ICE1: variants seen among roughly 807,000 people sequenced by gnomAD.
The protein encoded by ICE1 is interactor of little elongation complex ELL subunit 1.
ICE1 carries 64 observed loss-of-function variants against 192.7 expected under a neutral mutation model. The ratio of observed to expected loss-of-function variants is 0.33; its 90% confidence interval spans 0.27 to 0.41. The LOEUF (loss-of-function observed/expected upper bound fraction) is 0.41, where lower values mean the gene tolerates loss of function less well. Ranked by LOEUF, ICE1 falls within the 10% of genes least tolerant of loss-of-function variation. The pLI, the probability that ICE1 is intolerant of heterozygous loss-of-function variation, is 1.00. For synonymous variants in ICE1, 1,010 were observed against 984.5 expected, an observed-to-expected ratio of 1.03 and a Z score of -0.49; for missense variants, 2,708 against 2,696.0, an observed-to-expected ratio of 1.00 and a Z score of -0.10.
chr5:5,472,530 G>A (rs1739190193), intron 15 of ICE1, among the ~76,000 whole-genome samples: 2 of 152,176 alleles, frequency 1.3e-5, no homozygotes, highest in Admixed American at 1.3e-4. Context: ...TGCTCAGGTT[G>A]CGAAGTCACT....
chr5:5,463,918 A>G lies in ICE1; in HGVS notation c.4584A>G (p.Gln1528=). The G allele has an allele frequency of 6.2e-7, 1 of 1,614,024 alleles. No homozygotes were observed. The highest frequency in any genetic ancestry group is 8.5e-7 in the Non-Finnish European group (1 of 1,179,894). Residue 1528 remains glutamine, a synonymous_variant, in exon 13 of 19, where the codon CAA becomes CAG. Coordinates refer to ENST00000296564, the MANE Select transcript of ICE1 (RefSeq NM_015325.3). ...SIWISSQIYD[Q]NFETQIVASD... is the part of the protein sequence containing the mutation. ...GGATTAGTTCTCAAATCTATGATCA[A>G]AACTTCGAGACTCAGATTGTTGCGT...
intron 1 of ICE1, among the ~76,000 whole-genome samples, chr5:5,429,721 C>T (rs1225304366): frequency 1.3e-5 from 2 of 152,220 alleles, no homozygotes; most frequent in Non-Finnish European, 2.9e-5. Flanking sequence ...GCTGGTATGC[C>T]TGCTAGCTTG....
intron 7 of ICE1, 65 bp from the exon 8 acceptor site, chr5:5,447,362 C>A (rs1045704436): frequency 2.1e-6 from 2 of 960,362 alleles, no homozygotes; most frequent in Non-Finnish European, 3.1e-6. Flanking sequence ...TTGAGTATTT[C>A]ATTAACCACA....
chr5:5,473,134 A>G (rs1739212128), intron 15 of ICE1, among the ~76,000 whole-genome samples: 1 of 152,258 alleles, frequency 6.6e-6, no homozygotes, highest in Admixed American at 6.5e-5. Context: ...AGAATTCATT[A>G]CTGTCTGATT....
chr5:5,458,546 G>T (rs944204010), intron 12 of ICE1, among the ~76,000 whole-genome samples: 5 of 152,210 alleles, frequency 3.3e-5, no homozygotes, highest in Non-Finnish European at 7.3e-5. Flanking sequence ...TTCTTCTGAA[G>T]ATTCAATCCC....
chr5:5,452,721 A>C lies in ICE1; in HGVS notation c.605-1831A>C, dbSNP rs574670709. ...ACAATTTTTCAACAGGAGAAAACTG[A>C]ATAATGATTACGCTCTAACAGATAT... is the stretch of plus-strand genomic sequence containing the variant. On this transcript the variant is annotated intron_variant, in intron 10 of 18. Coordinates refer to ENST00000296564, the MANE Select transcript of ICE1 (RefSeq NM_015325.3). Among the ~76,000 whole-genome samples, 12 of 152,294 alleles carry C rather than the reference A, an allele frequency of 7.9e-5. 1 individual carries two copies. In the South Asian group the frequency reaches 2.5e-3, roughly 32 times the overall value.
chr5:5,453,719 T>C (rs1362305951), intron 10 of ICE1, among the ~76,000 whole-genome samples: 2 of 152,194 alleles, frequency 1.3e-5, no homozygotes, highest in African/African-American at 2.4e-5. Flanking sequence ...ATAAATACTT[T>C]TTGCTTTAGA....
chr5:5,483,663 A>T (rs1229193253), intron 17 of ICE1, among the ~76,000 whole-genome samples: 1 of 152,196 alleles, frequency 6.6e-6, no homozygotes, highest in Non-Finnish European at 1.5e-5. Flanking sequence ...TTTGCCTACC[A>T]CTGGATTCAG....
In ICE1 at chr5:5,422,934, C is replaced by A; in HGVS notation, c.19C>A (p.His7Asn). Residue 7 changes from histidine to asparagine, a missense_variant, in exon 1 of 19, where the codon CAT (histidine) becomes AAT (asparagine). Around this residue, in one of 2 missense-constraint regions of ICE1, gnomAD observed 2,366 missense variants for 2,276.6 expected, o/e 1.04. Coordinates refer to ENST00000296564, the MANE Select transcript of ICE1 (RefSeq NM_015325.3). MMPGET[H>N]SAAPGTAADL... ...CGGCACCATGATGCCGGGCGAGACC[C>A]ATTCGGCGGCGCCCGGGACGGCGGC... is the stretch of plus-strand genomic sequence containing the variant. The A allele has an allele frequency of 6.9e-7, 1 of 1,445,916 alleles. No individual in the cohort carries two copies. Among genetic ancestry groups the A allele is most frequent in the Non-Finnish European group, 9.1e-7 (1 of 1,100,822 alleles). 89.6% of individuals were successfully genotyped at this position (1,445,916 alleles called of 1,614,324 possible). A position where few individuals can be genotyped will look rare whatever the true frequency, so the allele number is the denominator to read the frequency against.
chr5:5,435,610 A>G (rs1358212591), intron 1 of ICE1, among the ~76,000 whole-genome samples: 1 of 149,152 alleles, frequency 6.7e-6, no homozygotes, highest in Non-Finnish European at 1.5e-5. Flanking sequence ...GTAACTAAGG[A>G]TGTTTTTCCT....
intron 13 of ICE1, 57 bp from the exon 14 acceptor site, chr5:5,466,277 G>A: frequency 1.4e-6 from 2 of 1,429,074 alleles, no homozygotes; most frequent in Non-Finnish European, 1.9e-6. Context: ...ATAATCTTTG[G>A]TAGGCTGAAG....
At chr5:5,431,129 A>C (rs1403697679) in intron 1 of ICE1, among the ~76,000 whole-genome samples, 1 of 152,166 alleles carries the variant, frequency 6.6e-6, no homozygotes, top group Non-Finnish European at 1.5e-5. Context: ...CTGGAGCCTG[A>C]GGTTTCTTCG....
chr5:5,423,099 G>A (rs113280389), intron 1 of ICE1, 100 bp downstream of exon 1: 3 of 640,206 alleles, frequency 4.7e-6, no homozygotes, highest in African/African-American at 1.9e-5. Context: ...GTGCCTCAGT[G>A]CGCTGCTCTC....
rs1156957586 is a variant in ICE1 at position 5,476,192 on chromosome 5, A to G, written c.6520+113A>G. The G allele has an allele frequency of 7.0e-6, 4 of 573,876 alleles. No homozygotes were observed. In the African/African-American group the frequency reaches 7.8e-5, roughly 11 times the overall value. 35.5% of individuals were successfully genotyped at this position (573,876 alleles called of 1,614,324 possible). A position where few individuals can be genotyped will look rare whatever the true frequency, so the allele number is the denominator to read the frequency against. ...GACTTTGAAAATTTCTGATTTTACA[A>G]CCATCAGAGTAGATACTTTTGTACT... On this transcript the variant is annotated intron_variant, in intron 17 of 18. Coordinates refer to ENST00000296564, the MANE Select transcript of ICE1 (RefSeq NM_015325.3).
intron 15 of ICE1, among the ~76,000 whole-genome samples, chr5:5,469,823 T>C (rs1281874943): frequency 6.6e-6 from 1 of 152,204 alleles, no homozygotes; most frequent in African/African-American, 2.4e-5. Context: ...TTCATCAATC[T>C]ATCTAGACAC....
In ICE1 at chr5:5,457,473, T is replaced by TA; in HGVS notation, c.834dup (p.Cys279MetfsTer15). 6.2e-7 allele frequency: 1 copy of TA among 1,613,976 alleles called. No individual in the cohort carries two copies. Among genetic ancestry groups the TA allele is most frequent in the Non-Finnish European group, 8.5e-7 (1 of 1,179,876 alleles). On this transcript the variant is annotated frameshift_variant, in exon 12 of 19. Coordinates refer to ENST00000296564, the MANE Select transcript of ICE1 (RefSeq NM_015325.3). LOFTEE classifies it high-confidence loss of function. ...TCCATGGAGATAAAGGAGGACTTTT[T>TA]ATGTCAAAATGTGGAAAAACAGAGC...
At chr5:5,432,194 C>A (rs950740359) in intron 1 of ICE1, among the ~76,000 whole-genome samples, 1 of 152,294 alleles carries the variant, frequency 6.6e-6, no homozygotes, top group East Asian at 1.9e-4. Context: ...TAGTCATTTC[C>A]TGTCTCTGTA....
chr5:5,456,116 C>T (rs1268598049), intron 11 of ICE1, among the ~76,000 whole-genome samples: 2 of 152,184 alleles, frequency 1.3e-5, no homozygotes. Flanking sequence ...TGCTGTTTCT[C>T]TTTGCTCAGG....
In ICE1 at chr5:5,475,960, TG is replaced by T. The variant is rs756842228; in HGVS notation, c.6414-12del. The T allele has an allele frequency of 6.6e-6, 10 of 1,513,606 alleles. No individual in the cohort carries two copies. Among genetic ancestry groups the T allele is most frequent in the East Asian group, 4.5e-5 (2 of 44,328 alleles). 93.8% of individuals were successfully genotyped at this position (1,513,606 alleles called of 1,614,324 possible). A position where few individuals can be genotyped will look rare whatever the true frequency, so the allele number is the denominator to read the frequency against. On this transcript the variant is annotated splice_polypyrimidine_tract_variant and intron_variant, in intron 16 of 18. Transcript: ENST00000296564. ...ATGATGAGCATACATCTTTTCATGT[TG>T]TTTTTTTATAGTAAGGAGCTGTGGC... is the stretch of plus-strand genomic sequence containing the variant.
Sources: gnomAD v4.1 joint callset for allele counts (sites outside exome capture counted in the v4.1 genomes callset) on GRCh38, gnomAD v4.1.1 for gene constraint, gnomAD v4.1.1 regional missense constraint, MANE v1.5 for transcripts, NCBI Gene and HGNC (gene_info 2026-07-23, HGNC 2026-07-21) for gene names.